NPY5R: variants seen among roughly 807,000 people sequenced by gnomAD.
NPY5R encodes the protein neuropeptide Y receptor type 5.
In NPY5R, 21 loss-of-function variants were observed where a neutral mutation model predicts 24.8. That is an observed-to-expected ratio of 0.85 (90% confidence interval 0.60 to 1.22). The LOEUF (loss-of-function observed/expected upper bound fraction) is 1.22, where lower values mean the gene tolerates loss of function less well. Ranked by LOEUF, NPY5R falls within the 50% of genes most tolerant of loss-of-function variation. The pLI, the probability that NPY5R is intolerant of heterozygous loss-of-function variation, is 0.00. For synonymous variants in NPY5R, 175 were observed against 183.0 expected (o/e 0.96, Z 0.35); for missense variants, 481 against 521.3 (o/e 0.92, Z 0.75).
At chr4:163,348,285 C>T (rs1179450582) in intron 3 of NPY5R, among the ~76,000 whole-genome samples, 1 of 152,006 alleles carries the variant, frequency 6.6e-6, no homozygotes, top group Admixed American at 6.5e-5. Flanking sequence ...GAATTAATTT[C>T]TTTGTTGGTT....
chr4:163,349,316 A>C, intron 3 of NPY5R: 4 of 977,676 alleles, frequency 4.1e-6, no homozygotes, highest in Non-Finnish European at 4.9e-6. Context: ...TTACTCTGCC[A>C]TGTATTGGGA....
At position 163,351,371 on chromosome 4, in the gene NPY5R, T is replaced by C; in HGVS notation, c.1098T>C (p.Val366=). The C allele has an allele frequency of 3.1e-6, 5 of 1,613,694 alleles. No individual in the cohort carries two copies. The highest frequency in any genetic ancestry group is 4.2e-6 in the Non-Finnish European group (5 of 1,179,656). The stretch of plus-strand genomic sequence containing the variant: ...GAATAAAAAAGAGATCTCGAAGTGT[T>C]TTCTACAGACTGACCATACTGATAT... The part of the protein sequence containing the change: ...VTRIKKRSRS[V]FYRLTILILV... The change falls in exon 4 of 4, where the codon GTT becomes GTC. Residue 366 remains valine, a synonymous_variant. Coordinates refer to ENST00000338566, the MANE Select transcript of NPY5R (RefSeq NM_006174.4).
In NPY5R at chr4:163,351,290, A is replaced by G. The variant is rs1401324849; in HGVS notation, c.1017A>G (p.Ile339Met). 6.2e-7 allele frequency: 1 copy of G among 1,613,884 alleles called. No homozygotes were observed. The highest frequency in any genetic ancestry group is 1.7e-5 in the Admixed American group (1 of 60,020). ...CAGGGGTCCCCACTTGCTTTGAGATAAAACCTGAAGAAAATTCAGATGTTC... is the reference window on the plus strand; with the variant it reads ...CAGGGGTCCCCACTTGCTTTGAGATGAAACCTGAAGAAAATTCAGATGTTC... ...FIPGVPTCFE[I>M]KPEENSDVHE... The change falls in exon 4 of 4, where the codon ATA becomes ATG. Residue 339 changes from isoleucine (I) to methionine (M), a missense_variant. Ile to Met is a conservative substitution (Grantham distance 10, BLOSUM62 1). Coordinates refer to ENST00000338566, the MANE Select transcript of NPY5R (RefSeq NM_006174.4).
rs1357137351 is a variant in NPY5R, at chr4:163,351,871, C to A, written c.*260C>A. 3.7e-6 allele frequency: 1 copy of A among 268,486 alleles called. No homozygotes were observed. The highest frequency in any genetic ancestry group is 7.4e-6 in the Non-Finnish European group (1 of 134,820). The allele number at this position is 268,486 out of a possible 1,614,324, so 16.6% of individuals were successfully genotyped here. On this transcript the variant is annotated 3_prime_UTR_variant, in exon 4 of 4. Transcript: ENST00000338566. Reference sequence around the variant, plus strand: ...TAGAAGGTTGTATTACCTTCCACTTCCATGTTGTCTTATAAACAAATGAAT... The same window carrying A: ...TAGAAGGTTGTATTACCTTCCACTTACATGTTGTCTTATAAACAAATGAAT...
At chr4:163,348,016 A>G (rs1232651209) in intron 3 of NPY5R, among the ~76,000 whole-genome samples, 1 of 152,214 alleles carries the variant, frequency 6.6e-6, no homozygotes, top group Non-Finnish European at 1.5e-5. Flanking sequence ...CATAGAACTG[A>G]AGTTAAACTT....
In NPY5R at chr4:163,350,937, C is replaced by G; in HGVS notation, c.664C>G (p.Leu222Val). The stretch of plus-strand genomic sequence containing the variant: ...CTCTTTATTGCTAGTTCAGTATATT[C>G]TGCCCTTAGTTTGTCTTACTGTAAG... The part of the protein sequence containing the change: ...TISLLLVQYI[L>V]PLVCLTVSHT... The change falls in exon 4 of 4, where the codon CTG becomes GTG. Residue 222 changes from leucine (L) to valine (V), a missense_variant. Coordinates refer to ENST00000338566, the MANE Select transcript of NPY5R (RefSeq NM_006174.4). The G allele has an allele frequency of 6.2e-7, 1 of 1,613,914 alleles. No homozygotes were observed. Among genetic ancestry groups the G allele is most frequent in the Non-Finnish European group, 8.5e-7 (1 of 1,179,972 alleles).
Position 163,351,673 on chromosome 4 carries a change from T to A in NPY5R, c.*62T>A. The stretch of plus-strand genomic sequence containing the variant: ...GGGGTCATATAAAATATATTTATGA[T>A]AACTATTTACATATAATAAATAGAA... On this transcript the variant is annotated 3_prime_UTR_variant, in exon 4 of 4. Coordinates refer to ENST00000338566, the MANE Select transcript of NPY5R (RefSeq NM_006174.4). The A allele has an allele frequency of 8.6e-7, 1 of 1,161,242 alleles. No homozygotes were observed. The highest frequency in any genetic ancestry group is 1.6e-5 in the African/African-American group (1 of 64,194). The allele number at this position is 1,161,242 out of a possible 1,614,324, so 71.9% of individuals were successfully genotyped here. A position where few individuals can be genotyped will look rare whatever the true frequency, so the allele number is the denominator to read the frequency against.
chr4:163,348,024 C>T (rs534952462), intron 3 of NPY5R, among the ~76,000 whole-genome samples: 1 of 152,246 alleles, frequency 6.6e-6, no homozygotes, highest in Admixed American at 6.5e-5. Flanking sequence ...TGAAGTTAAA[C>T]TTATTTGTAA....
chr4:163,349,222 G>A lies in NPY5R; in HGVS notation c.-9-1043G>A, dbSNP rs1158708604. On this transcript the variant is annotated intron_variant, in intron 3 of 3. Transcript: ENST00000338566. ...AGGAGCATAAATTTGAACATTGTAC[G>A]AACTAGGTGATATTTGTTACTAGAG... The A allele has an allele frequency of 2.9e-5, 8 of 273,260 alleles. No individual in the cohort carries two copies. In the East Asian group the frequency reaches 1.1e-3, roughly 36 times the overall value. The allele number at this position is 273,260 out of a possible 1,614,324, so 16.9% of individuals were successfully genotyped here.
rs1320973552 is a variant in NPY5R at position 163,350,321 on chromosome 4, G to T, written c.48G>T (p.Glu16Asp). Reference protein sequence around the residue: ...DEYYNKTLATENNTAATRNSD... With the variant: ...DEYYNKTLATDNNTAATRNSD... ...ATTATAACAAGACACTTGCCACAGA[G>T]AATAATACTGCTGCCACTCGGAATT... is the stretch of plus-strand genomic sequence containing the variant. The change falls in exon 4 of 4, where the codon GAG (glutamate) becomes GAT (aspartate). Residue 16 changes from glutamate (E) to aspartate (D), a missense_variant. Coordinates refer to ENST00000338566, the MANE Select transcript of NPY5R (RefSeq NM_006174.4). 1.9e-6 allele frequency: 3 copies of T among 1,607,890 alleles called. No homozygotes were observed. Among genetic ancestry groups the T allele is most frequent in the Non-Finnish European group, 2.6e-6 (3 of 1,175,622 alleles).
At chr4:163,346,115 A>T (rs1735238555) in intron 2 of NPY5R, among the ~76,000 whole-genome samples, 1 of 152,192 alleles carries the variant, frequency 6.6e-6, no homozygotes, top group African/African-American at 2.4e-5. Context: ...AGCAGGAGAA[A>T]GTTGACTACA....
Position 163,351,527 on chromosome 4 carries a change from T to C in NPY5R, c.1254T>C (p.Cys418=). The C allele has an allele frequency of 1.2e-6, 2 of 1,612,674 alleles. No homozygotes were observed. The highest frequency in any genetic ancestry group is 1.7e-6 in the Non-Finnish European group (2 of 1,178,686). ...GTCATTTGTTGGGCATGATGTCCTGTTGTCTTAATCCAATTCTATATGGGT... is the reference window on the plus strand; with the variant it reads ...GTCATTTGTTGGGCATGATGTCCTGCTGTCTTAATCCAATTCTATATGGGT... ...CICHLLGMMS[C]CLNPILYGFL... is the part of the protein sequence containing the mutation. Residue 418 remains cysteine, a synonymous_variant, in exon 4 of 4, where the codon TGT becomes TGC. Transcript: ENST00000338566.
chr4:163,348,245 A>G lies in NPY5R; in HGVS notation c.-10+723A>G, dbSNP rs145727182. 2.0e-3 allele frequency among the ~76,000 whole-genome samples: 301 copies of G among 152,336 alleles called. 7 individuals are homozygous for G. Among genetic ancestry groups the G allele is most frequent in the Admixed American group, 0.017 (267 of 15,298 alleles). On this transcript the variant is annotated intron_variant, in intron 3 of 3. Coordinates refer to ENST00000338566, the MANE Select transcript of NPY5R (RefSeq NM_006174.4). ...CAAAAGTGGTTTTTTAACTATATATATCACAATCTCTACGACAATGTATTT... is the reference window on the plus strand; with the variant it reads ...CAAAAGTGGTTTTTTAACTATATATGTCACAATCTCTACGACAATGTATTT...
Position 163,351,078 on chromosome 4 carries a change from G to A in NPY5R, c.805G>A (p.Val269Met). ...TCCATCCAAAAAGAGTGGGCCTCAG[G>A]TGAAACTCTCTGGCAGCCATAAATG... ...LHPSKKSGPQ[V>M]KLSGSHKWSY... The change falls in exon 4 of 4, where the codon GTG becomes ATG. Residue 269 changes from valine (V) to methionine (M), a missense_variant. By Grantham distance (21) the Val-to-Met change is conservative. Transcript: ENST00000338566. The A allele has an allele frequency of 1.2e-6, 2 of 1,614,064 alleles. No homozygotes were observed. Among genetic ancestry groups the A allele is most frequent in the Non-Finnish European group, 1.7e-6 (2 of 1,180,002 alleles).
chr4:163,347,641 G>T (rs918371155), intron 3 of NPY5R, 119 bp downstream of exon 3: 3 of 152,274 alleles, frequency 2.0e-5, no homozygotes, highest in Non-Finnish European at 4.4e-5. Context: ...CAGAACTCAG[G>T]AAATTAGGCA....
intron 3 of NPY5R, chr4:163,349,314 C>A: frequency 1.0e-6 from 1 of 974,952 alleles, no homozygotes; most frequent in Non-Finnish European, 1.2e-6. Flanking sequence ...AGTTACTCTG[C>A]CATGTATTGG....
At chr4:163,346,638 G>C (rs1478549177) in intron 2 of NPY5R, among the ~76,000 whole-genome samples, 1 of 152,048 alleles carries the variant, frequency 6.6e-6, no homozygotes, top group Non-Finnish European at 1.5e-5. Context: ...TTTTTCTCCA[G>C]TGTCCAATGA....
Position 163,351,530 on chromosome 4 carries a change from T to A in NPY5R, c.1257T>A (p.Cys419Ter). 1 of 1,612,228 alleles carries A rather than the reference T, an allele frequency of 6.2e-7. No individual in the cohort carries two copies. The highest frequency in any genetic ancestry group is 8.5e-7 in the Non-Finnish European group (1 of 1,178,272). Residue 419 changes from cysteine (C) to a stop codon, truncating the protein, a stop_gained, in exon 4 of 4, where the codon TGT becomes TGA. Transcript: ENST00000338566. LOFTEE classifies it high-confidence loss of function. Reference sequence around the variant, plus strand: ...ATTTGTTGGGCATGATGTCCTGTTGTCTTAATCCAATTCTATATGGGTTTC... The same window carrying A: ...ATTTGTTGGGCATGATGTCCTGTTGACTTAATCCAATTCTATATGGGTTTC... ...ICHLLGMMSCCLNPILYGFLN... is the reference protein window; with the variant it reads ...ICHLLGMMSC
Position 163,351,030 on chromosome 4 carries a change from G to A in NPY5R, c.757G>A (p.Glu253Lys), listed in dbSNP as rs749896146. 6.2e-7 allele frequency: 1 copy of A among 1,614,104 alleles called. No individual in the cohort carries two copies. The highest frequency in any genetic ancestry group is 8.5e-7 in the Non-Finnish European group (1 of 1,180,014). Residue 253 changes from glutamate (E) to lysine (K), a missense_variant, in exon 4 of 4, where the codon GAG (glutamate) becomes AAG (lysine). Physicochemically the swap from Glu to Lys is moderately conservative, Grantham distance 56. Transcript: ENST00000338566. ...SNKENRLEEN[E>K]MINLTLHPSK... ...CAAAGAAAACAGACTTGAAGAAAAT[G>A]AGATGATCAACTTAACTCTTCATCC...
Sources: gnomAD v4.1 joint callset for allele counts (sites outside exome capture counted in the v4.1 genomes callset) on GRCh38, gnomAD v4.1.1 for gene constraint, MANE v1.5 for transcripts, NCBI Gene and HGNC (gene_info 2026-07-23, HGNC 2026-07-21) for gene names.